Variants in KLC1 observed in about 807,000 individuals in gnomAD.
The protein encoded by KLC1 is kinesin 2 60/70kDa.
Under a neutral mutation model 84.2 loss-of-function variants are expected in KLC1, and 30 were observed. That is an observed-to-expected ratio of 0.36 (90% CI 0.27 to 0.48). The LOEUF is 0.48. Ranked by LOEUF, KLC1 falls within the 20% of genes least tolerant of loss-of-function variation. KLC1 has a pLI of 0.99. For synonymous variants in KLC1, 289 were observed against 293.3 expected (o/e 0.99, Z 0.15); for missense variants, 499 against 805.4 (o/e 0.62, Z 4.60).
In KLC1 at chr14:103,693,325, T is replaced by C. The variant is rs1455596459; in HGVS notation, c.1848+900T>C. On this transcript the variant is annotated intron_variant, in intron 15 of 16. Coordinates refer to ENST00000334553, the MANE Select transcript of KLC1 (RefSeq NM_001394837.1). This position sits in a 1 kb window ranked among gnomAD's most constrained non-coding sequence, Gnocchi z 5.1. ...CTGGACATGTTGCTTGAAGCACCCC[T>C]AATGACAAGAGGAAAGAAAGTCTCT... 1.3e-5 allele frequency among the ~76,000 whole-genome samples: 2 copies of C among 152,000 alleles called. No homozygotes were observed. The highest frequency in any genetic ancestry group is 2.9e-5 in the Non-Finnish European group (2 of 67,972).
At chr14:103,688,080 C>T (rs550812691) in intron 14 of KLC1, 3 of 152,302 alleles carry the variant, frequency 2.0e-5, no homozygotes, top group South Asian at 2.1e-4. Context: ...ATGGTGAAAC[C>T]GAGTTCTTCT....
chr14:103,679,791 G>A (rs2081204521), intron 13 of KLC1: 2 of 442,206 alleles, frequency 4.5e-6, no homozygotes, highest in Non-Finnish European at 8.0e-6. Context: ...CTGATTGAGT[G>A]TCCTGGCTAT....
At chr14:103,696,656 C>T (rs570812593) in intron 15 of KLC1, 17 of 985,458 alleles carry the variant, frequency 1.7e-5, no homozygotes, top group South Asian at 4.7e-5. Flanking sequence ...GCGTGTGCAG[C>T]GGGGCCAGCT....
intron 1 of KLC1, among the ~76,000 whole-genome samples, chr14:103,639,077 C>T (rs7154572): frequency 0.27 from 41,704 of 152,088 alleles, 6,261 homozygotes; most frequent in East Asian, 0.53. Flanking sequence ...CATCAAACTA[C>T]CTGCAGACTT....
chr14:103,654,269 G>A (rs887690600), intron 1 of KLC1, among the ~76,000 whole-genome samples: 2 of 152,184 alleles, frequency 1.3e-5, no homozygotes, highest in African/African-American at 4.8e-5. Flanking sequence ...GTTGTTCACC[G>A]AGGCTATGTG....
chr14:103,690,204 C>T (rs1237423231), intron 14 of KLC1, among the ~76,000 whole-genome samples: 1 of 151,928 alleles, frequency 6.6e-6, no homozygotes, highest in Non-Finnish European at 1.5e-5. Context: ...AGTTAATGGC[C>T]ACTTTATAGC....
At chr14:103,663,243 C>T (rs2151584973) in intron 5 of KLC1, among the ~76,000 whole-genome samples, 1 of 152,116 alleles carries the variant, frequency 6.6e-6, no homozygotes, top group East Asian at 1.9e-4. Flanking sequence ...CCATGCCTGG[C>T]TAATTTTTTT....
chr14:103,675,753 A>T lies in KLC1; in HGVS notation c.1376A>T (p.Asp459Val), dbSNP rs145131845. ...GGCTGGTACAAAGCCTGCAAAGTTGATAGGTATGTCTGGAATTGCGTTTGG... is the reference window on the plus strand; with the variant it reads ...GGCTGGTACAAAGCCTGCAAAGTTGTTAGGTATGTCTGGAATTGCGTTTGG... ...YGGWYKACKV[D>V]SPTVTTTLKN... Residue 459 changes from aspartate to valine, a missense_variant, in exon 11 of 17, where the codon GAT (aspartate) becomes GTT (valine). Physicochemically the swap from Asp to Val is radical, Grantham distance 152. Coordinates refer to ENST00000334553, the MANE Select transcript of KLC1 (RefSeq NM_001394837.1). 23 of 1,613,618 alleles carry T rather than the reference A, an allele frequency of 1.4e-5. No individual in the cohort carries two copies. Among genetic ancestry groups the T allele is most frequent in the Non-Finnish European group, 1.7e-5 (20 of 1,179,774 alleles).
chr14:103,658,136 C>A (rs1317754717), intron 3 of KLC1, among the ~76,000 whole-genome samples: 1 of 152,216 alleles, frequency 6.6e-6, no homozygotes, highest in Non-Finnish European at 1.5e-5. Flanking sequence ...CATTGCCATT[C>A]TCTTTGAAAC....
intron 13 of KLC1, among the ~76,000 whole-genome samples, chr14:103,680,589 A>G (rs571853077): frequency 2.0e-5 from 3 of 152,204 alleles, no homozygotes; most frequent in Admixed American, 6.5e-5. Flanking sequence ...TTGACTGTCT[A>G]TCTGGCAGCT....
chr14:103,682,343 C>T (rs1043924251), intron 13 of KLC1: 6 of 150,350 alleles, frequency 4.0e-5, no homozygotes, highest in African/African-American at 1.5e-4. Flanking sequence ...GCACTCCAGC[C>T]TGGGTGACAG....
At chr14:103,633,661 A>G (rs552097456) in intron 1 of KLC1, among the ~76,000 whole-genome samples, 1 of 152,124 alleles carries the variant, frequency 6.6e-6, no homozygotes, top group East Asian at 1.9e-4. Flanking sequence ...AGCTTTTGTC[A>G]GTGTCCTCTG....
intron 15 of KLC1, chr14:103,699,183 G>A (rs757909834): frequency 6.4e-7 from 1 of 1,560,926 alleles, no homozygotes; most frequent in South Asian, 1.2e-5. Context: ...CTGTCACCTG[G>A]AAGAGCACAG....
intron 1 of KLC1, among the ~76,000 whole-genome samples, chr14:103,652,868 C>G (rs1236674353): frequency 1.3e-5 from 2 of 152,172 alleles, no homozygotes; most frequent in Non-Finnish European, 2.9e-5. Flanking sequence ...TTACAGACAA[C>G]TTCCAAATTT....
intron 1 of KLC1, among the ~76,000 whole-genome samples, chr14:103,650,740 G>A (rs2078366568): frequency 2.0e-5 from 3 of 151,878 alleles, no homozygotes; most frequent in Middle Eastern, 3.4e-3. Context: ...CACCACGCCT[G>A]GCTAATTTTT....
At position 103,657,660 on chromosome 14, in the gene KLC1, A is replaced by G. The variant is rs2078933308; in HGVS notation, c.376A>G (p.Asn126Asp). ...TCAGTGGCTACGGGATGAACTGGCC[A>G]ACACGCAGCAGAAACTGCAGAAGAG... ...ENQWLRDELANTQQKLQKSEQ... is the reference protein window; with the variant it reads ...ENQWLRDELADTQQKLQKSEQ... The change falls in exon 3 of 17, where the codon AAC (asparagine) becomes GAC (aspartate). Residue 126 changes from asparagine (N) to aspartate (D), a missense_variant. Around this residue, in one of 3 missense-constraint regions of KLC1, gnomAD observed 179 missense variants for 264.2 expected, o/e 0.68. Coordinates refer to ENST00000334553, the MANE Select transcript of KLC1 (RefSeq NM_001394837.1). 8 of 1,614,198 alleles carry G rather than the reference A, an allele frequency of 5.0e-6. No homozygotes were observed. Among genetic ancestry groups the G allele is most frequent in the East Asian group, 2.2e-5 (1 of 44,886 alleles).
chr14:103,665,411 T>C (rs2079685070), intron 5 of KLC1, among the ~76,000 whole-genome samples: 1 of 151,752 alleles, frequency 6.6e-6, no homozygotes, highest in Admixed American at 6.6e-5. Flanking sequence ...TCTGTCTTTC[T>C]GTCTTGTCTT....
At chr14:103,665,958 A>G (rs925883784) in intron 5 of KLC1, among the ~76,000 whole-genome samples, 1 of 151,336 alleles carries the variant, frequency 6.6e-6, no homozygotes, top group Non-Finnish European at 1.5e-5. Flanking sequence ...ATTTTTAGTC[A>G]TTTGTATCCT....
In KLC1 at chr14:103,629,324, G is replaced by A; in HGVS notation, c.-172G>A. 1 of 153,090 alleles carries A rather than the reference G, an allele frequency of 6.5e-6. No individual in the cohort carries two copies. Among genetic ancestry groups the A allele is most frequent in the Non-Finnish European group, 1.5e-5 (1 of 68,740 alleles). 9.5% of individuals were successfully genotyped at this position (153,090 alleles called of 1,614,324 possible). A position where few individuals can be genotyped will look rare whatever the true frequency, so the allele number is the denominator to read the frequency against. On this transcript the variant is annotated 5_prime_UTR_variant, in exon 1 of 17. It adds an upstream start codon to the 5' untranslated region. Transcript: ENST00000334553. ...CGGCGGCCAAGGGGACAGCGCGTGG[G>A]TGGCCGAGGATGCTGCGGGGCGGTA...
Sources: allele counts gnomAD v4.1 joint callset (sites outside exome capture counted in the v4.1 genomes callset), GRCh38; gene constraint gnomAD v4.1.1; regional missense constraint gnomAD v4.1.1; non-coding constraint Gnocchi (gnomAD v3.1); transcripts MANE v1.5; gene names NCBI Gene and HGNC (gene_info 2026-07-23, HGNC 2026-07-21).